Variants in CA10 observed in about 807,000 individuals in gnomAD.
CA10 encodes the protein carbonic anhydrase-related protein 10.
A neutral mutation model predicts 44.2 loss-of-function variants in CA10; 14 were observed. The ratio of observed to expected loss-of-function variants is 0.32; its 90% CI spans 0.21 to 0.50. CA10 has a LOEUF of 0.50. Ranked by LOEUF, CA10 falls within the 20% of genes least tolerant of loss-of-function variation. CA10 has a pLI of 0.99. For missense variants in CA10, 350 were observed against 409.7 expected (o/e 0.85, Z 1.26); for synonymous variants, 159 against 141.6 (o/e 1.12, Z -0.87).
At chr17:51,671,626 G>A (rs1788680481) in intron 4 of CA10, among the ~76,000 whole-genome samples, 1 of 152,126 alleles carries the variant, frequency 6.6e-6, no homozygotes, top group Middle Eastern at 3.4e-3. Flanking sequence ...GGATGGTGTC[G>A]ATCTCCTGAC....
intron 3 of CA10, among the ~76,000 whole-genome samples, chr17:51,824,424 A>G (rs1002266423): frequency 6.6e-6 from 1 of 152,238 alleles, no homozygotes; most frequent in Non-Finnish European, 1.5e-5. Flanking sequence ...ACATTCAATA[A>G]TCAAAATAAA....
chr17:51,886,623 C>T (rs1980612553), intron 3 of CA10, among the ~76,000 whole-genome samples: 1 of 152,198 alleles, frequency 6.6e-6, no homozygotes, highest in Non-Finnish European at 1.5e-5. Context: ...CATGACTGCA[C>T]TAACGGATGC....
chr17:51,913,870 A>C (rs1284259877), intron 3 of CA10, among the ~76,000 whole-genome samples: 2 of 152,132 alleles, frequency 1.3e-5, no homozygotes, highest in South Asian at 2.1e-4. Context: ...TTTCAGTCTT[A>C]ACACTGAACT....
chr17:51,656,038 C>CT (rs1397792518), intron 4 of CA10, among the ~76,000 whole-genome samples: 1 of 152,202 alleles, frequency 6.6e-6, no homozygotes, highest in Non-Finnish European at 1.5e-5. Flanking sequence ...GAACCAGGGA[C>CT]TGGGGGGTTC....
At chr17:51,687,239 A>G (rs1165762968) in intron 4 of CA10, among the ~76,000 whole-genome samples, 1 of 152,174 alleles carries the variant, frequency 6.6e-6, no homozygotes, top group Non-Finnish European at 1.5e-5. Flanking sequence ...ACTTCCTTTG[A>G]TCTTCACAGG....
At chr17:51,946,264 T>G (rs1305602289) in intron 2 of CA10, among the ~76,000 whole-genome samples, 3 of 152,174 alleles carry the variant, frequency 2.0e-5, no homozygotes, top group Middle Eastern at 3.2e-3. Flanking sequence ...CAATGCATTG[T>G]CTACTTGGAA....
At chr17:52,145,840 T>C (rs1989570762) in intron 1 of CA10, among the ~76,000 whole-genome samples, 1 of 152,142 alleles carries the variant, frequency 6.6e-6, no homozygotes, top group South Asian at 2.1e-4. Context: ...TATAATACAG[T>C]AAAATGGTAA....
intron 3 of CA10, among the ~76,000 whole-genome samples, chr17:51,781,792 T>G (rs1301927249): frequency 6.6e-6 from 1 of 152,210 alleles, no homozygotes; most frequent in Admixed American, 6.5e-5. Context: ...CATGTAACAG[T>G]TTTTGAATTC....
intron 3 of CA10, among the ~76,000 whole-genome samples, chr17:51,771,178 A>G (rs1404869069): frequency 6.7e-6 from 1 of 148,460 alleles, no homozygotes; most frequent in East Asian, 2.0e-4. Flanking sequence ...CCAGAGTGAG[A>G]GCTCACTCTT....
At chr17:52,099,117 A>G (rs1190048547) in intron 1 of CA10, among the ~76,000 whole-genome samples, 1 of 152,152 alleles carries the variant, frequency 6.6e-6, no homozygotes, top group East Asian at 1.9e-4. Flanking sequence ...TTAAGCTCAG[A>G]CCTGCATTAT....
intron 3 of CA10, among the ~76,000 whole-genome samples, chr17:51,776,453 G>A (rs2143666961): frequency 6.6e-6 from 1 of 152,230 alleles, no homozygotes; most frequent in Admixed American, 6.5e-5. Flanking sequence ...TCAGTTTTAA[G>A]AATATAGACC....
rs561085186 is a variant in CA10, at chr17:51,830,846, A to G, written c.280-83028T>C. On this transcript the variant is annotated intron_variant, in intron 3 of 8. Transcript: ENST00000451037. ...TATTTTAGTTAAATCTCATATTACA[A>G]GTCCTCCCTGCTCAAAAACAGGAGA... Among the ~76,000 whole-genome samples the G allele has an allele frequency of 2.4e-4, 37 of 152,312 alleles. No individual in the cohort carries two copies. The South Asian group carries it at 7.7e-3, about 32-fold the overall frequency.
rs536209934 is a variant in CA10, at chr17:51,688,386, A to G, written c.466-34650T>C. Among the ~76,000 whole-genome samples the G allele has an allele frequency of 5.3e-5, 8 of 152,366 alleles. No homozygotes were observed. In the South Asian group the frequency reaches 1.7e-3, roughly 32 times the overall value. On this transcript the variant is annotated intron_variant, in intron 4 of 8. Coordinates refer to ENST00000451037, the MANE Select transcript of CA10 (RefSeq NM_020178.5). Reference sequence around the variant, plus strand: ...CAATGGATAACTAATACATTGATTAATAACATTCCAAAAATCTGGAGACCT... The same window carrying G: ...CAATGGATAACTAATACATTGATTAGTAACATTCCAAAAATCTGGAGACCT...
At chr17:51,717,822 T>TAC (rs1567815590) in intron 4 of CA10, among the ~76,000 whole-genome samples, 2 of 14,910 alleles carry the variant, frequency 1.3e-4, no homozygotes, top group South Asian at 2.0e-3. Context: ...CGTATATATA[T>TAC]GTGTGTGTAT....
intron 1 of CA10, among the ~76,000 whole-genome samples, chr17:52,119,510 C>T (rs1233213435): frequency 1.3e-5 from 2 of 152,122 alleles, no homozygotes; most frequent in Non-Finnish European, 2.9e-5. Context: ...CCAGGAATCA[C>T]ATGTTCTTGG....
At chr17:51,735,518 C>A (rs889535483) in intron 4 of CA10, among the ~76,000 whole-genome samples, 1 of 148,488 alleles carries the variant, frequency 6.7e-6, no homozygotes, top group Non-Finnish European at 1.5e-5. Context: ...CGAACATGTA[C>A]CCCCCACCCC....
intron 2 of CA10, among the ~76,000 whole-genome samples, chr17:52,028,860 A>G (rs141618317): frequency 2.3e-3 from 354 of 152,354 alleles, no homozygotes; most frequent in Non-Finnish European, 4.3e-3. Flanking sequence ...AGGGCCATGA[A>G]GAAGCTAACA....
At chr17:51,708,917 C>G (rs1915843943) in intron 4 of CA10, among the ~76,000 whole-genome samples, 1 of 152,234 alleles carries the variant, frequency 6.6e-6, no homozygotes, top group African/African-American at 2.4e-5. Flanking sequence ...TGCACTCTGT[C>G]ATCTTCCCAA....
At chr17:51,901,676 C>T (rs1033433611) in intron 3 of CA10, among the ~76,000 whole-genome samples, 6 of 152,090 alleles carry the variant, frequency 3.9e-5, no homozygotes, top group African/African-American at 1.2e-4. Context: ...TGCGCCACTG[C>T]ACTCTAGTCT....
Sources: allele counts gnomAD v4.1 joint callset (sites outside exome capture counted in the v4.1 genomes callset), GRCh38; gene constraint gnomAD v4.1.1; transcripts MANE v1.5; gene names NCBI Gene and HGNC (gene_info 2026-07-23, HGNC 2026-07-21).